FRK: variants seen among roughly 807,000 people sequenced by gnomAD.
FRK encodes the protein tyrosine-protein kinase FRK.
A neutral mutation model predicts 56.4 loss-of-function variants in FRK; 51 were observed. That is an observed-to-expected ratio of 0.90 (90% confidence interval 0.72 to 1.14). FRK has a LOEUF of 1.14. Among genes scored for constraint, FRK ranks in the 50% most tolerant of loss-of-function variants. The pLI, the probability that FRK is intolerant of heterozygous loss-of-function variation, is 0.00. For missense variants in FRK, 570 were observed against 601.4 expected, an observed-to-expected ratio of 0.95 and a Z score of 0.55; for synonymous variants, 245 against 217.9, an observed-to-expected ratio of 1.12 and a Z score of -1.10.
chr6:115,953,261 C>T (rs1173070001), intron 5 of FRK, among the ~76,000 whole-genome samples: 2 of 127,596 alleles, frequency 1.6e-5, no homozygotes, highest in African/African-American at 3.0e-5. Flanking sequence ...GGGATCTCGG[C>T]TCACTGCAAG....
At chr6:116,091,848 G>A in the FRK span, among the ~76,000 whole-genome samples, 20 of 152,238 alleles carry the variant, frequency 1.3e-4, no homozygotes, top group Middle Eastern at 3.4e-3. Flanking sequence ...GCCGAGGGTC[G>A]ACGGAGAGGA....
intron 1 of FRK, among the ~76,000 whole-genome samples, chr6:116,041,456 C>T (rs11757115): frequency 0.37 from 55,721 of 152,002 alleles, 10,687 homozygotes; most frequent in Middle Eastern, 0.49. Flanking sequence ...TTAAGTCGTG[C>T]GCAAGATGGC....
intron 1 of FRK, among the ~76,000 whole-genome samples, chr6:116,022,482 C>T (rs1046630850): frequency 2.6e-5 from 4 of 152,114 alleles, no homozygotes; most frequent in African/African-American, 9.6e-5. Context: ...TGGGATTTAT[C>T]CCATTTAGAA....
In FRK at chr6:115,941,341, CAG is replaced by C. The variant is rs1772172230; in HGVS notation, c.*1071_*1072del. ...GGGAACATCACATACTGGGGCCTGT[CAG>C]GGGATGGAGGGCTAGGGGAGGAACA... is the stretch of plus-strand genomic sequence containing the variant. On this transcript the variant is annotated 3_prime_UTR_variant, in exon 8 of 8. Transcript: ENST00000606080. 6.6e-6 allele frequency: 1 copy of C among 151,922 alleles called. No homozygotes were observed. The highest frequency in any genetic ancestry group is 6.6e-5 in the Admixed American group (1 of 15,232). The allele number at this position is 151,922 out of a possible 1,614,324, so 9.4% of individuals were successfully genotyped here.
chr6:116,053,504 TC>T (rs1308971855), intron 1 of FRK, among the ~76,000 whole-genome samples: 1 of 152,152 alleles, frequency 6.6e-6, no homozygotes, highest in Non-Finnish European at 1.5e-5. Context: ...CTTCTATTCA[TC>T]AAAAAGCAAC....
intron 2 of FRK, among the ~76,000 whole-genome samples, chr6:115,988,424 G>A (rs1262685933): frequency 6.6e-6 from 1 of 151,990 alleles, no homozygotes; most frequent in Non-Finnish European, 1.5e-5. Flanking sequence ...CTACTGTATG[G>A]AAGTGGTTTC....
At chr6:116,036,360 T>A (rs1776479675) in intron 1 of FRK, among the ~76,000 whole-genome samples, 1 of 152,146 alleles carries the variant, frequency 6.6e-6, no homozygotes, top group South Asian at 2.1e-4. Flanking sequence ...TACTGCTGGA[T>A]CAAACTAAAA....
intron 1 of FRK, among the ~76,000 whole-genome samples, chr6:116,012,171 ACATGC>A (rs2114714859): frequency 6.6e-6 from 1 of 152,254 alleles, no homozygotes; most frequent in African/African-American, 2.4e-5. Flanking sequence ...TACAAGCTTT[ACATGC>A]ATTTATCTCA....
intron 1 of FRK, among the ~76,000 whole-genome samples, chr6:116,036,209 T>C (rs181010828): frequency 6.6e-4 from 101 of 152,250 alleles, no homozygotes; most frequent in African/African-American, 2.4e-3. Context: ...ACAAAGCCTC[T>C]TTCTATGACA....
intron 1 of FRK, among the ~76,000 whole-genome samples, chr6:116,014,481 A>G (rs1775577057): frequency 6.6e-6 from 1 of 152,064 alleles, no homozygotes; most frequent in Non-Finnish European, 1.5e-5. Context: ...AAAATGAAAG[A>G]CAAGGGTATG....
intron 2 of FRK, among the ~76,000 whole-genome samples, chr6:115,995,259 C>A (rs1022687867): frequency 2.6e-5 from 4 of 152,030 alleles, no homozygotes; most frequent in Non-Finnish European, 5.9e-5. Context: ...GATGCTAACT[C>A]CAGCCACTAT....
chr6:116,075,825 T>C, the FRK span, among the ~76,000 whole-genome samples: 2 of 152,172 alleles, frequency 1.3e-5, no homozygotes, highest in African/African-American at 4.8e-5. Flanking sequence ...CTGTTAAGGC[T>C]GGACTGAACA....
At chr6:115,944,123 G>T in intron 6 of FRK, 121 bp downstream of exon 6, 1 of 748,088 alleles carries the variant, frequency 1.3e-6, no homozygotes, top group Non-Finnish European at 2.1e-6. Flanking sequence ...TACTGAAGTA[G>T]TTTATGGACT....
chr6:116,024,606 T>G (rs1776015531), intron 1 of FRK, among the ~76,000 whole-genome samples: 1 of 151,976 alleles, frequency 6.6e-6, no homozygotes, highest in Admixed American at 6.6e-5. Context: ...CATCATTTTT[T>G]ATGGCTGCAT....
At chr6:115,954,318 G>A (rs1772904928) in intron 5 of FRK, among the ~76,000 whole-genome samples, 1 of 152,184 alleles carries the variant, frequency 6.6e-6, no homozygotes, top group Admixed American at 6.5e-5. Context: ...AGTTACACAT[G>A]CTCTGATTTA....
At chr6:115,986,878 C>A (rs1339794339) in intron 2 of FRK, among the ~76,000 whole-genome samples, 1 of 152,062 alleles carries the variant, frequency 6.6e-6, no homozygotes, top group East Asian at 1.9e-4. Context: ...TGTGGGCATC[C>A]CTTCTACCCC....
At chr6:115,980,578 G>A (rs192731321) in intron 2 of FRK, among the ~76,000 whole-genome samples, 1 of 152,206 alleles carries the variant, frequency 6.6e-6, no homozygotes, top group Non-Finnish European at 1.5e-5. Context: ...TACTCCCTCT[G>A]CTTTCCAAAC....
rs924463173 is a variant in FRK at position 116,039,333 on chromosome 6, A to G, written c.344+20635T>C. On this transcript the variant is annotated intron_variant, in intron 1 of 7. Coordinates refer to ENST00000606080, the MANE Select transcript of FRK (RefSeq NM_002031.3). ...AGAAGTTCTGAGAATGGTGTCCAAC[A>G]TCTCTGATGTGGTGGCTCAGAGCAC... is the stretch of plus-strand genomic sequence containing the variant. 9 of 1,414,290 alleles carry G rather than the reference A, an allele frequency of 6.4e-6. No individual in the cohort carries two copies. The African/African-American group carries it at 1.3e-4, about 20-fold the overall frequency. 87.6% of individuals were successfully genotyped at this position (1,414,290 alleles called of 1,614,324 possible). A position where few individuals can be genotyped will look rare whatever the true frequency, so the allele number is the denominator to read the frequency against.
intron 5 of FRK, among the ~76,000 whole-genome samples, chr6:115,952,090 G>C (rs923595277): frequency 2.6e-5 from 4 of 151,914 alleles, no homozygotes; most frequent in Non-Finnish European, 5.9e-5. Flanking sequence ...TTAGCCCTTT[G>C]TCAGATGAGT....
Sources: gnomAD v4.1 joint callset for allele counts (sites outside exome capture counted in the v4.1 genomes callset) on GRCh38, gnomAD v4.1.1 for gene constraint, MANE v1.5 for transcripts, NCBI Gene and HGNC (gene_info 2026-07-23, HGNC 2026-07-21) for gene names.